SEC61B: variants seen among roughly 807,000 people sequenced by gnomAD.
SEC61B encodes protein transport protein Sec61 subunit beta.
A neutral mutation model predicts 12.6 loss-of-function variants in SEC61B; 7 were observed. The observed-to-expected ratio is 0.55, with a 90% CI of 0.32 to 1.04. The LOEUF is 1.04. Among genes scored for constraint, SEC61B ranks in the 50% least tolerant of loss-of-function variants. SEC61B has a pLI of 0.05. For missense variants in SEC61B, 107 were observed against 130.1 expected (o/e 0.82, Z 0.86); for synonymous variants, 54 against 50.1 (o/e 1.08, Z -0.33).
At chr9:99,225,153 T>C (rs1302435689) in intron 2 of SEC61B, among the ~76,000 whole-genome samples, 1 of 152,214 alleles carries the variant, frequency 6.6e-6, no homozygotes, top group African/African-American at 2.4e-5. Context: ...CCAAATGCTG[T>C]TTCATCTCCG....
intron 2 of SEC61B, among the ~76,000 whole-genome samples, chr9:99,226,011 G>A (rs1383971616): frequency 6.6e-6 from 1 of 152,232 alleles, no homozygotes; most frequent in East Asian, 1.9e-4. Context: ...ATATCTGTGT[G>A]TGTGAAACCT....
chr9:99,225,451 G>A (rs994731861), intron 2 of SEC61B, among the ~76,000 whole-genome samples: 4 of 152,148 alleles, frequency 2.6e-5, no homozygotes, highest in African/African-American at 9.7e-5. Context: ...GGCAAAAGGA[G>A]TGGGTAAGTA....
At position 99,222,552 on chromosome 9, in the gene SEC61B, C is replaced by T. The variant is rs1319607732; in HGVS notation, c.10C>T (p.Pro4Ser). The T allele has an allele frequency of 6.3e-7, 1 of 1,584,986 alleles. No individual in the cohort carries two copies. The highest frequency in any genetic ancestry group is 1.1e-5 in the South Asian group (1 of 88,196). Reference protein sequence around the residue: MPGPTPSGTNVGSS... With the variant: MPGSTPSGTNVGSS... ...TGCTTGTCTCCCTCTACAGCCTGGT[C>T]CGACCCCCAGTGGCACTAACGTGGG... The change falls in exon 2 of 4, where the codon CCG (proline) becomes TCG (serine). Residue 4 changes from proline to serine, a missense_variant. Transcript: ENST00000223641.
Position 99,227,913 on chromosome 9 carries a change from G to A in SEC61B, c.116G>A (p.Cys39Tyr), listed in dbSNP as rs762031782. Reference sequence around the variant, plus strand: ...CTCTCTTTCAGGAAAAATGCCAGCTGTGGGACAAGGAGTGCAGGCCGCACA... The same window carrying A: ...CTCTCTTTCAGGAAAAATGCCAGCTATGGGACAAGGAGTGCAGGCCGCACA... ...STVRQRKNAS[C>Y]GTRSAGRTTS... Residue 39 changes from cysteine (C) to tyrosine (Y), a missense_variant, in exon 3 of 4, where the codon TGT becomes TAT. Transcript: ENST00000223641. The A allele has an allele frequency of 2.5e-5, 41 of 1,613,858 alleles. No homozygotes were observed. Among genetic ancestry groups the A allele is most frequent in the Non-Finnish European group, 3.5e-5 (41 of 1,179,970 alleles).
chr9:99,224,397 A>G (rs1828873883), intron 2 of SEC61B, among the ~76,000 whole-genome samples: 2 of 152,154 alleles, frequency 1.3e-5, no homozygotes, highest in Admixed American at 6.5e-5. Context: ...GGAATGGAAA[A>G]CATGTCCTGT....
chr9:99,227,711 A>T (rs772775843), intron 2 of SEC61B, among the ~76,000 whole-genome samples, 188 bp from the exon 3 acceptor site: 1 of 152,222 alleles, frequency 6.6e-6, no homozygotes, highest in South Asian at 2.1e-4. Flanking sequence ...ATGCATTGGC[A>T]TCAGGTAGGC....
chr9:99,223,284 T>A (rs1828855456), intron 2 of SEC61B: 1 of 151,790 alleles, frequency 6.6e-6, no homozygotes, highest in Non-Finnish European at 1.5e-5. Context: ...CTGTTACTCT[T>A]CTGCGTAGTT....
Position 99,225,427 on chromosome 9 carries a change from G to A in SEC61B, c.102-2472G>A, listed in dbSNP as rs114182811. Among the ~76,000 whole-genome samples, 922 of 152,244 alleles carry A rather than the reference G, an allele frequency of 6.1e-3. 6 individuals carry two copies. The highest frequency in any genetic ancestry group is 0.021 in the African/African-American group (875 of 41,544). ...GCAAATCACACAATGGTTTGGGGAC[G>A]AATAGGCCTCCTAGGCAAAAGGAGT... is the stretch of plus-strand genomic sequence containing the variant. On this transcript the variant is annotated intron_variant, in intron 2 of 3. Transcript: ENST00000223641.
intron 2 of SEC61B, among the ~76,000 whole-genome samples, chr9:99,226,654 T>G (rs1398800315): frequency 6.6e-6 from 1 of 152,144 alleles, no homozygotes; most frequent in Non-Finnish European, 1.5e-5. Flanking sequence ...CCCCATATTG[T>G]ACCACTCCAA....
intron 1 of SEC61B, 73 bp downstream of exon 1, chr9:99,222,439 C>T (rs775372908): frequency 2.2e-5 from 35 of 1,610,718 alleles, no homozygotes; most frequent in Middle Eastern, 3.3e-4. Flanking sequence ...CGTGCTTTTC[C>T]TCTGTAGCTC....
chr9:99,228,790 C>T (rs1357407919), intron 3 of SEC61B, among the ~76,000 whole-genome samples: 1 of 152,204 alleles, frequency 6.6e-6, no homozygotes, highest in Admixed American at 6.5e-5. Context: ...ATCTGCCCAG[C>T]AATCCAGTGA....
intron 2 of SEC61B, among the ~76,000 whole-genome samples, chr9:99,224,376 T>C (rs1047222150): frequency 1.3e-5 from 2 of 152,024 alleles, no homozygotes; most frequent in Non-Finnish European, 2.9e-5. Context: ...GTTTTAGAGA[T>C]TTTTCGTGCA....
At chr9:99,223,846 G>A (rs866539513) in intron 2 of SEC61B, among the ~76,000 whole-genome samples, 5 of 152,206 alleles carry the variant, frequency 3.3e-5, no homozygotes, top group African/African-American at 4.8e-5. Context: ...GGCCTTCTCT[G>A]TCTGTAAGCA....
At chr9:99,227,163 G>A (rs1283983316) in intron 2 of SEC61B, among the ~76,000 whole-genome samples, 1 of 151,542 alleles carries the variant, frequency 6.6e-6, no homozygotes, top group African/African-American at 2.4e-5. Flanking sequence ...CTAAGCAGGA[G>A]GCTGAGGCAG....
chr9:99,222,833 G>A, intron 2 of SEC61B, 190 bp downstream of exon 2: 1 of 521,170 alleles, frequency 1.9e-6, no homozygotes. Context: ...GCTCAGTTTA[G>A]GGCACTACTC....
intron 2 of SEC61B, 64 bp downstream of exon 2, chr9:99,222,707 C>G (rs577500390): frequency 2.6e-6 from 3 of 1,150,198 alleles, no homozygotes; most frequent in South Asian, 3.1e-5. Flanking sequence ...CTCGCTGATT[C>G]TGGGGTGGAG....
At chr9:99,228,908 C>CCTATG (rs1337290693) in intron 3 of SEC61B, among the ~76,000 whole-genome samples, 1 of 152,088 alleles carries the variant, frequency 6.6e-6, no homozygotes, top group Non-Finnish European at 1.5e-5. Context: ...CTGATTAAGT[C>CCTATG]CTATGCTCTT....
chr9:99,230,256 T>A (rs1194454228), intron 3 of SEC61B, 81 bp from the exon 4 acceptor site: 2 of 821,298 alleles, frequency 2.4e-6, no homozygotes, highest in Admixed American at 2.3e-5. Flanking sequence ...CCTCTACTTT[T>A]CCCCTAGGCA....
intron 3 of SEC61B, among the ~76,000 whole-genome samples, chr9:99,229,205 A>G (rs1443217878): frequency 6.6e-6 from 1 of 152,212 alleles, no homozygotes; most frequent in Non-Finnish European, 1.5e-5. Flanking sequence ...GGAGACTTAT[A>G]TGATAATGTG....
Sources: allele counts gnomAD v4.1 joint callset (sites outside exome capture counted in the v4.1 genomes callset), GRCh38; gene constraint gnomAD v4.1.1; transcripts MANE v1.5; gene names NCBI Gene and HGNC (gene_info 2026-07-23, HGNC 2026-07-21).